The following ZMAT4 variants were observed in gnomAD, a reference collection of about 807,000 sequenced individuals.
The protein encoded by ZMAT4 is zinc finger matrin-type protein 4.
In ZMAT4, 17 loss-of-function variants were observed where a neutral mutation model predicts 28.7. That is an observed-to-expected ratio of 0.59 (90% CI 0.41 to 0.89). ZMAT4 has a LOEUF of 0.89. Among genes scored for constraint, ZMAT4 ranks in the 40% least tolerant of loss-of-function variants. The probability of loss-of-function intolerance (pLI) is 0.00; values close to 1 mark genes in which losing one functional copy is unlikely to be tolerated. For missense variants in ZMAT4, 240 were observed against 283.8 expected (o/e 0.85, Z 1.11); for synonymous variants, 117 against 109.2 (o/e 1.07, Z -0.44).
intron 5 of ZMAT4, among the ~76,000 whole-genome samples, chr8:40,646,476 C>T (rs1807321670): frequency 2.0e-5 from 3 of 151,748 alleles, no homozygotes. Flanking sequence ...TGATAGTTGT[C>T]AATTTTATTA....
intron 5 of ZMAT4, among the ~76,000 whole-genome samples, chr8:40,650,797 A>G (rs1349468175): frequency 3.3e-5 from 5 of 150,634 alleles, no homozygotes. Context: ...AATGTAATCC[A>G]GCATATAAAC....
chr8:40,866,709 C>G (rs920692276), intron 1 of ZMAT4, among the ~76,000 whole-genome samples: 3 of 152,158 alleles, frequency 2.0e-5, no homozygotes, highest in African/African-American at 7.2e-5. Context: ...TTTTGCTTCT[C>G]TCTGGTGTGT....
At chr8:40,865,868 C>T (rs1181683107) in intron 1 of ZMAT4, among the ~76,000 whole-genome samples, 1 of 152,154 alleles carries the variant, frequency 6.6e-6, no homozygotes, top group South Asian at 2.1e-4. Flanking sequence ...TCGTCCCAAC[C>T]AATTTTTAGA....
intron 1 of ZMAT4, among the ~76,000 whole-genome samples, chr8:40,837,607 A>G (rs1816542904): frequency 6.6e-6 from 1 of 152,204 alleles, no homozygotes; most frequent in Non-Finnish European, 1.5e-5. Context: ...AGGGTCTGAG[A>G]GTCCAGAGAC....
chr8:40,623,080 A>G (rs906068901), intron 5 of ZMAT4, among the ~76,000 whole-genome samples: 4 of 152,226 alleles, frequency 2.6e-5, no homozygotes, highest in African/African-American at 9.6e-5. Context: ...AAGAAAAAGT[A>G]TTCAAGACAT....
intron 2 of ZMAT4, among the ~76,000 whole-genome samples, chr8:40,792,884 T>C (rs1814422596): frequency 6.6e-6 from 1 of 151,832 alleles, no homozygotes; most frequent in Non-Finnish European, 1.5e-5. Context: ...ACTAGCTATA[T>C]AATGTTCTAA....
At chr8:40,809,799 C>T (rs1815246376) in intron 2 of ZMAT4, among the ~76,000 whole-genome samples, 2 of 152,044 alleles carry the variant, frequency 1.3e-5, no homozygotes, top group African/African-American at 4.8e-5. Context: ...ATCCTAGCAC[C>T]TTGAGAGGCT....
At chr8:40,576,507 G>A (rs1804267948) in intron 6 of ZMAT4, among the ~76,000 whole-genome samples, 2 of 148,716 alleles carry the variant, frequency 1.3e-5, no homozygotes, top group South Asian at 2.1e-4. Context: ...GAGAGAATGG[G>A]ATGACATATT....
intron 6 of ZMAT4, among the ~76,000 whole-genome samples, chr8:40,567,830 T>G (rs1186891951): frequency 6.6e-6 from 1 of 152,186 alleles, no homozygotes; most frequent in Non-Finnish European, 1.5e-5. Flanking sequence ...CATCATTTGT[T>G]TTTTGAAAAA....
chr8:40,681,523 T>C (rs1809165026), intron 4 of ZMAT4, among the ~76,000 whole-genome samples: 1 of 152,184 alleles, frequency 6.6e-6, no homozygotes, highest in Non-Finnish European at 1.5e-5. Flanking sequence ...TGTCATTCTG[T>C]AGTGCTGTCA....
chr8:40,655,059 T>TACACACACACACACACAC lies in ZMAT4; in HGVS notation c.577+19627_577+19644dup, dbSNP rs3038823. On this transcript the variant is annotated intron_variant, in intron 5 of 6. Transcript: ENST00000297737. ...TATTTAGAAAATCCTAAGGAATACC[T>TACACACACACACACACAC]ACACACACACACACACACACACAGC... 7.1e-3 allele frequency among the ~76,000 whole-genome samples: 1,060 copies of TACACACACACACACACAC among 148,888 alleles called. 27 individuals are homozygous for TACACACACACACACACAC. The East Asian group carries it at 0.1, about 15-fold the overall frequency.
At chr8:40,862,385 A>C (rs1244931414) in intron 1 of ZMAT4, among the ~76,000 whole-genome samples, 1 of 131,692 alleles carries the variant, frequency 7.6e-6, no homozygotes, top group South Asian at 2.6e-4. Flanking sequence ...TCACTTGGAC[A>C]CAGGAAGGGG....
chr8:40,777,517 G>A (rs1330227578), intron 2 of ZMAT4, among the ~76,000 whole-genome samples: 1 of 152,230 alleles, frequency 6.6e-6, no homozygotes, highest in Non-Finnish European at 1.5e-5. Context: ...GAAAGCACTG[G>A]TGGAGTGGTG....
At chr8:40,675,031 G>A in intron 4 of ZMAT4, 100 bp from the exon 5 acceptor site, 1 of 847,404 alleles carries the variant, frequency 1.2e-6, no homozygotes, top group Non-Finnish European at 1.8e-6. Flanking sequence ...GTTCACTCTA[G>A]AGCTTAAACA....
chr8:40,679,432 T>C (rs1213506408), intron 4 of ZMAT4, among the ~76,000 whole-genome samples: 1 of 152,138 alleles, frequency 6.6e-6, no homozygotes, highest in Non-Finnish European at 1.5e-5. Flanking sequence ...AATTAACTCA[T>C]AGTTCCACAG....
chr8:40,535,258 C>T (rs1229080661), intron 6 of ZMAT4, among the ~76,000 whole-genome samples: 11 of 152,116 alleles, frequency 7.2e-5, no homozygotes, highest in South Asian at 2.1e-4. Context: ...CAAAAGCTTC[C>T]GCTTCTTCCA....
rs1266274174 is a variant in ZMAT4 at position 40,530,725 on chromosome 8, C to T, written c.*1498G>A. The T allele has an allele frequency of 6.6e-6, 1 of 152,566 alleles. No individual in the cohort carries two copies. The highest frequency in any genetic ancestry group is 6.5e-5 in the Admixed American group (1 of 15,276). 9.5% of individuals were successfully genotyped at this position (152,566 alleles called of 1,614,324 possible). On this transcript the variant is annotated 3_prime_UTR_variant, in exon 7 of 7. Coordinates refer to ENST00000297737, the MANE Select transcript of ZMAT4 (RefSeq NM_024645.3). ...GTCGGCTGTGTGCTTTCCAAAACAG[C>T]AAAATAGATTCTTCCCATCCAACCC... is the stretch of plus-strand genomic sequence containing the variant.
chr8:40,756,455 T>TAC (rs1554551539), intron 3 of ZMAT4, among the ~76,000 whole-genome samples: 39 of 122,648 alleles, frequency 3.2e-4, no homozygotes, highest in Non-Finnish European at 5.1e-4. Context: ...TATATATATA[T>TAC]ATACACACTT....
intron 1 of ZMAT4, among the ~76,000 whole-genome samples, chr8:40,893,528 G>A (rs1355516720): frequency 6.6e-6 from 1 of 152,176 alleles, no homozygotes; most frequent in Admixed American, 6.5e-5. Context: ...TTCAGCATGG[G>A]TCAGAGCAGG....
Sources: allele counts gnomAD v4.1 joint callset (sites outside exome capture counted in the v4.1 genomes callset), GRCh38; gene constraint gnomAD v4.1.1; transcripts MANE v1.5; gene names NCBI Gene and HGNC (gene_info 2026-07-23, HGNC 2026-07-21).